SULT2B1: variants seen among roughly 807,000 people sequenced by gnomAD.
The protein encoded by SULT2B1 is sulfotransferase 2B1.
SULT2B1 carries 16 observed loss-of-function variants against 33.2 expected under a neutral mutation model. The ratio of observed to expected loss-of-function variants is 0.48; its 90% CI spans 0.33 to 0.73. The LOEUF (loss-of-function observed/expected upper bound fraction) is 0.73, where lower values mean the gene tolerates loss of function less well. Ranked by LOEUF, SULT2B1 falls within the 30% of genes least tolerant of loss-of-function variation. The pLI is 0.02. For missense variants in SULT2B1, 500 were observed against 506.0 expected, an observed-to-expected ratio of 0.99 and a Z score of 0.11; for synonymous variants, 186 against 200.5, an observed-to-expected ratio of 0.93 and a Z score of 0.61.
chr19:48,572,138 A>G (rs1431075924), intron 1 of SULT2B1, among the ~76,000 whole-genome samples: 2 of 152,110 alleles, frequency 1.3e-5, no homozygotes, highest in Non-Finnish European at 2.9e-5. Context: ...GGGGATGGAC[A>G]GAGGGAATTC....
At chr19:48,586,908 C>G (rs10424430) in intron 2 of SULT2B1, among the ~76,000 whole-genome samples, 2 of 151,756 alleles carry the variant, frequency 1.3e-5, no homozygotes, top group Non-Finnish European at 2.9e-5. Context: ...GTCAGGAGTT[C>G]GAGACCAGCC....
chr19:48,598,269 A>T (rs1208210731), intron 6 of SULT2B1, among the ~76,000 whole-genome samples: 1 of 152,100 alleles, frequency 6.6e-6, no homozygotes, highest in Non-Finnish European at 1.5e-5. Context: ...GTGAGGGGTG[A>T]TGCCCCTGTG....
chr19:48,588,717 T>C (rs935326370), intron 3 of SULT2B1, among the ~76,000 whole-genome samples: 1 of 151,554 alleles, frequency 6.6e-6, no homozygotes, highest in African/African-American at 2.4e-5. Flanking sequence ...GGGCTGCAAT[T>C]ATAAATAAGG....
intron 2 of SULT2B1, among the ~76,000 whole-genome samples, chr19:48,585,691 A>AG (rs200716619): frequency 0.022 from 3,132 of 141,028 alleles, 66 homozygotes; most frequent in East Asian, 0.073. Context: ...AAGTGGGGGT[A>AG]GGGGGGAGGG....
At position 48,587,304 on chromosome 19, in the gene SULT2B1, T is replaced by C; in HGVS notation, c.290T>C (p.Ile97Thr). Residue 97 changes from isoleucine to threonine, a missense_variant, in exon 3 of 7, where the codon ATC becomes ACC. By Grantham distance (89) the Ile-to-Thr change is moderately conservative. Coordinates refer to ENST00000201586, the MANE Select transcript of SULT2B1 (RefSeq NM_177973.2). ...GDPSWIRSVP[I>T]WERAPWCETI... ...CCATCCTGGATCCGCTCCGTGCCCA[T>C]CTGGGAGCGGGCACCCTGGTGTGAG... 1.2e-6 allele frequency: 2 copies of C among 1,613,992 alleles called. No homozygotes were observed. The highest frequency in any genetic ancestry group is 1.7e-6 in the Non-Finnish European group (2 of 1,179,992).
intron 1 of SULT2B1, among the ~76,000 whole-genome samples, chr19:48,566,930 G>A (rs931302601): frequency 1.3e-5 from 2 of 152,094 alleles, no homozygotes; most frequent in Admixed American, 1.3e-4. Flanking sequence ...TTGAACCTGG[G>A]AGGTGCTAGT....
At chr19:48,588,496 A>G (rs56241787) in intron 3 of SULT2B1, among the ~76,000 whole-genome samples, 12,424 of 150,948 alleles carry the variant, frequency 0.082, 1,740 homozygotes, top group African/African-American at 0.29. Context: ...TGGGCAACAA[A>G]AGCAAAACTC....
rs1009863167 is a variant in SULT2B1 at position 48,569,196 on chromosome 19, G to A, written c.72-6745G>A. On this transcript the variant is annotated intron_variant, in intron 1 of 6. Coordinates refer to ENST00000201586, the MANE Select transcript of SULT2B1 (RefSeq NM_177973.2). ...TCTCTACTAAAAATACAAAAAATTA[G>A]CAGGGCGTGGTGGCGGGCGCCTGTA... Among the ~76,000 whole-genome samples the A allele has an allele frequency of 5.9e-5, 9 of 151,440 alleles. No individual in the cohort carries two copies. The East Asian group carries it at 1.6e-3, about 27-fold the overall frequency.
intron 5 of SULT2B1, 52 bp downstream of exon 5, chr19:48,592,868 C>T (rs1260345820): frequency 6.9e-7 from 1 of 1,458,588 alleles, no homozygotes; most frequent in Middle Eastern, 1.7e-4. Context: ...CCTCTGCTCA[C>T]ACCCCACACT....
rs1220792088 is a variant in SULT2B1 at position 48,595,654 on chromosome 19, GGTTTTTTTTTGTTGTTT to G, written c.646-1084_646-1068del. The G allele has an allele frequency of 2.1e-3, 299 of 140,114 alleles. 16 individuals carry two copies. The highest frequency in any genetic ancestry group is 3.0e-3 in the Non-Finnish European group (195 of 64,772). The allele number at this position is 140,114 out of a possible 1,614,324, so 8.7% of individuals were successfully genotyped here. ...GTGACCAGACCACATCTGTTTTTTG[GGTTTTTTTTTGTTGTTT>G]TTTTTTTTTTTTTTGAGATGGAGTC... On this transcript the variant is annotated intron_variant, in intron 5 of 6. Coordinates refer to ENST00000201586, the MANE Select transcript of SULT2B1 (RefSeq NM_177973.2).
Position 48,575,986 on chromosome 19 carries a change from C to A in SULT2B1, c.117C>A (p.Phe39Leu), listed in dbSNP as rs1601098336. 1 of 1,613,976 alleles carries A rather than the reference C, an allele frequency of 6.2e-7. No individual in the cohort carries two copies. The change falls in exon 2 of 7, where the codon TTC (phenylalanine) becomes TTA (leucine). Residue 39 changes from phenylalanine to leucine, a missense_variant. Phe to Leu is a conservative substitution (Grantham distance 22). Transcript: ENST00000201586. ...ACTTCCGGTACAAGGGCGTCCCCTT[C>A]CCCGTCGGCCTGTACTCGCTCGAGA... The part of the protein sequence containing the change: ...GEYFRYKGVP[F>L]PVGLYSLESI...
chr19:48,566,792 A>G (rs1181765425), intron 1 of SULT2B1, among the ~76,000 whole-genome samples: 2 of 151,920 alleles, frequency 1.3e-5, no homozygotes, highest in Non-Finnish European at 2.9e-5. Flanking sequence ...CAGTGAGCCA[A>G]AATTGTGTCA....
intron 1 of SULT2B1, among the ~76,000 whole-genome samples, chr19:48,564,443 C>T (rs1488624196): frequency 6.9e-6 from 1 of 145,712 alleles, no homozygotes; most frequent in African/African-American, 2.5e-5. Context: ...GTCCCAGCTA[C>T]TTGGGAGGCT....
chr19:48,573,974 C>T (rs3760806), intron 1 of SULT2B1, among the ~76,000 whole-genome samples: 26,481 of 152,084 alleles, frequency 0.17, 2,600 homozygotes, highest in East Asian at 0.41. Flanking sequence ...GATCCTCCCG[C>T]CTCAGACTCC....
chr19:48,554,294 G>T (rs1385977520), intron 1 of SULT2B1, among the ~76,000 whole-genome samples: 1 of 113,288 alleles, frequency 8.8e-6, no homozygotes, highest in Admixed American at 1.1e-4. Context: ...CCTCAGATAC[G>T]CCACGTACCC....
At chr19:48,574,782 A>T (rs949547553) in intron 1 of SULT2B1, among the ~76,000 whole-genome samples, 1 of 152,246 alleles carries the variant, frequency 6.6e-6, no homozygotes, top group Non-Finnish European at 1.5e-5. Flanking sequence ...GCCAAGGCCC[A>T]GCAGGCGCTC....
chr19:48,565,541 G>C (rs1312519043), intron 1 of SULT2B1, among the ~76,000 whole-genome samples: 3 of 151,614 alleles, frequency 2.0e-5, no homozygotes, highest in Non-Finnish European at 4.4e-5. Context: ...CACTACGCCC[G>C]GCTAATTTTT....
At chr19:48,582,296 G>T (rs1019623812) in intron 2 of SULT2B1, among the ~76,000 whole-genome samples, 2 of 152,042 alleles carry the variant, frequency 1.3e-5, no homozygotes, top group Non-Finnish European at 1.5e-5. Context: ...TTTTTAAATA[G>T]TTCCGTGGTA....
chr19:48,580,494 A>T (rs1295259557), intron 2 of SULT2B1, among the ~76,000 whole-genome samples: 1 of 152,048 alleles, frequency 6.6e-6, no homozygotes, highest in Non-Finnish European at 1.5e-5. Context: ...TCCTCACCTC[A>T]GTCAATCTAC....
Sources: gnomAD v4.1 joint callset for allele counts (sites outside exome capture counted in the v4.1 genomes callset) on GRCh38, gnomAD v4.1.1 for gene constraint, MANE v1.5 for transcripts, NCBI Gene and HGNC (gene_info 2026-07-23, HGNC 2026-07-21) for gene names.